CEP78: variants seen among roughly 807,000 people sequenced by gnomAD.
CEP78 encodes centrosomal protein 78, also known as centrosomal protein of 78 kDa.
In CEP78, 76 loss-of-function variants were observed where a neutral mutation model predicts 81.2. The ratio of observed to expected loss-of-function variants is 0.94; its 90% CI spans 0.78 to 1.13. CEP78 has a LOEUF of 1.13. Ranked by LOEUF, CEP78 falls within the 50% of genes most tolerant of loss-of-function variation. The probability of loss-of-function intolerance (pLI) is 0.00; values close to 1 mark genes in which losing one functional copy is unlikely to be tolerated. For missense variants in CEP78, 918 were observed against 846.8 expected (o/e 1.08, Z -1.04); for synonymous variants, 293 against 301.4 (o/e 0.97, Z 0.29).
At chr9:78,263,669 G>A (rs1402265021) in intron 12 of CEP78, among the ~76,000 whole-genome samples, 1 of 152,032 alleles carries the variant, frequency 6.6e-6, no homozygotes, top group Non-Finnish European at 1.5e-5. Flanking sequence ...AAATAGATTT[G>A]GTGTACAGGA....
At position 78,241,838 on chromosome 9, in the gene CEP78, T is replaced by C. The variant is rs780055186; in HGVS notation, c.603+39T>C. 4.6e-6 allele frequency: 5 copies of C among 1,087,346 alleles called. No individual in the cohort carries two copies. The Admixed American group carries it at 8.9e-5, about 19-fold the overall frequency. The allele number at this position is 1,087,346 out of a possible 1,614,324, so 67.4% of individuals were successfully genotyped here. A position where few individuals can be genotyped will look rare whatever the true frequency, so the allele number is the denominator to read the frequency against. On this transcript the variant is annotated intron_variant, in intron 4 of 16. Transcript: ENST00000643273. ...CCAACTTTCATGAAAATGTGTTATATGATTGCCACACGTTAATATTTTGAT... is the reference window on the plus strand; with the variant it reads ...CCAACTTTCATGAAAATGTGTTATACGATTGCCACACGTTAATATTTTGAT...
At chr9:78,262,643 A>G (rs1827326438) in intron 11 of CEP78, among the ~76,000 whole-genome samples, 1 of 152,140 alleles carries the variant, frequency 6.6e-6, no homozygotes, top group African/African-American at 2.4e-5. Context: ...GACTCAATAA[A>G]TATATGTGTA....
chr9:78,261,152 T>A (rs1827256496), intron 11 of CEP78, among the ~76,000 whole-genome samples: 1 of 152,066 alleles, frequency 6.6e-6, no homozygotes, highest in African/African-American at 2.4e-5. Flanking sequence ...GGTTTCACCA[T>A]GTTGGCCTCA....
intron 11 of CEP78, among the ~76,000 whole-genome samples, chr9:78,259,750 A>G (rs1310776963): frequency 3.9e-5 from 6 of 152,236 alleles, no homozygotes; most frequent in Non-Finnish European, 1.5e-5. Flanking sequence ...AACTTGCCCA[A>G]GGTTATACAG....
chr9:78,255,715 A>G (rs1408136284), intron 11 of CEP78, among the ~76,000 whole-genome samples: 1 of 152,254 alleles, frequency 6.6e-6, no homozygotes, highest in Admixed American at 6.5e-5. Context: ...ATAGAATATT[A>G]GAGGGAAAAA....
Position 78,236,302 on chromosome 9 carries a change from C to A in CEP78, c.-49C>A, listed in dbSNP as rs2118038739. 6.7e-7 allele frequency: 1 copy of A among 1,501,656 alleles called. No individual in the cohort carries two copies. The allele number at this position is 1,501,656 out of a possible 1,614,324, so 93.0% of individuals were successfully genotyped here. ...TTGCGACTCAGCGTTCTTGGGTGGGCGCGGGCGGCGTCTCCGCGGCGGGCA... is the reference window on the plus strand; with the variant it reads ...TTGCGACTCAGCGTTCTTGGGTGGGAGCGGGCGGCGTCTCCGCGGCGGGCA... On this transcript the variant is annotated 5_prime_UTR_variant, in exon 1 of 17. Coordinates refer to ENST00000643273, the MANE Select transcript of CEP78 (RefSeq NM_001330691.3).
At position 78,239,206 on chromosome 9, in the gene CEP78, A is replaced by G. The variant is rs896555217; in HGVS notation, c.254-817A>G. Among the ~76,000 whole-genome samples the G allele has an allele frequency of 3.3e-5, 5 of 152,188 alleles. No homozygotes were observed. The East Asian group carries it at 5.8e-4, about 18-fold the overall frequency. On this transcript the variant is annotated intron_variant, in intron 1 of 16. Coordinates refer to ENST00000643273, the MANE Select transcript of CEP78 (RefSeq NM_001330691.3). ...TAGGTTGTAGATTTTAACCTCCTAC[A>G]TATTGCTTGTCCATCCTTAATTACA...
intron 8 of CEP78, 135 bp downstream of exon 8, chr9:78,249,008 C>G: frequency 2.6e-6 from 1 of 388,482 alleles, no homozygotes; most frequent in Non-Finnish European, 4.7e-6. Context: ...TGTAATTGTT[C>G]TGATAAGATT....
chr9:78,267,163 C>T (rs1295092921), intron 16 of CEP78: 1 of 654,864 alleles, frequency 1.5e-6, no homozygotes. Flanking sequence ...GTCTGTTTTT[C>T]CCTTTGATAG....
chr9:78,274,413 GGTAAC>G lies in CEP78; in HGVS notation c.*3565_*3569del, dbSNP rs1273900107. The G allele has an allele frequency of 6.6e-6, 1 of 151,942 alleles. No individual in the cohort carries two copies. The highest frequency in any genetic ancestry group is 1.5e-5 in the Non-Finnish European group (1 of 68,008). 9.4% of individuals were successfully genotyped at this position (151,942 alleles called of 1,614,324 possible). On this transcript the variant is annotated 3_prime_UTR_variant, in exon 17 of 17. Coordinates refer to ENST00000643273, the MANE Select transcript of CEP78 (RefSeq NM_001330691.3). ...AGTTCTGTATCCTGATTGCGGTGGTGGTAACGTGAGTCTATACATATGTTAAAATT... is the reference window on the plus strand; with the variant it reads ...AGTTCTGTATCCTGATTGCGGTGGTGGTGAGTCTATACATATGTTAAAATT...
rs1827864064 is a variant in CEP78, at chr9:78,279,473, A to G, written c.*8622A>G. ...CAAATATTGCAAACCTACAAGGAGT[A>G]AAAGGTGTTATTATTTTAAAGAAGA... On this transcript the variant is annotated 3_prime_UTR_variant, in exon 17 of 17. Transcript: ENST00000643273. 1 of 152,200 alleles carries G rather than the reference A, an allele frequency of 6.6e-6. No individual in the cohort carries two copies. The highest frequency in any genetic ancestry group is 2.4e-5 in the African/African-American group (1 of 41,448). 9.4% of individuals were successfully genotyped at this position (152,200 alleles called of 1,614,324 possible).
chr9:78,240,225 A>T, intron 2 of CEP78, 30 bp downstream of exon 2: 1 of 1,613,062 alleles, frequency 6.2e-7, no homozygotes, highest in Non-Finnish European at 8.5e-7. Flanking sequence ...GCTTGTAGAC[A>T]TTTGATAGTT....
intron 8 of CEP78, among the ~76,000 whole-genome samples, chr9:78,251,293 T>C (rs781570485): frequency 6.6e-6 from 1 of 152,194 alleles, no homozygotes; most frequent in African/African-American, 2.4e-5. Flanking sequence ...GGCGGCAACA[T>C]TGGCTCACCT....
rs1065334 is a variant in CEP78, at chr9:78,266,855, C to T, written c.2107+152C>T. On this transcript the variant is annotated intron_variant, in intron 16 of 16. Transcript: ENST00000643273. ...TTAAAAGTAGGTCTTTGAAAAAATA[C>T]GTTTCTGTCAAGAAAGAAAATAGAA... The T allele has an allele frequency of 0.044, 63,826 of 1,442,674 alleles. 1,877 individuals carry two copies. Among genetic ancestry groups the T allele is most frequent in the Admixed American group, 0.16 (5,513 of 34,508 alleles). 89.4% of individuals were successfully genotyped at this position (1,442,674 alleles called of 1,614,324 possible).
rs919356215 is a variant in CEP78, at chr9:78,273,170, A to G, written c.*2319A>G. ...AGATCAAGTTTTTTACTCATAATAA[A>G]CATGAACAGGTTAAATTCTGGAATC... On this transcript the variant is annotated 3_prime_UTR_variant, in exon 17 of 17. Coordinates refer to ENST00000643273, the MANE Select transcript of CEP78 (RefSeq NM_001330691.3). The G allele has an allele frequency of 6.6e-6, 1 of 152,236 alleles. No homozygotes were observed. The highest frequency in any genetic ancestry group is 2.4e-5 in the African/African-American group (1 of 41,460). The allele number at this position is 152,236 out of a possible 1,614,324, so 9.4% of individuals were successfully genotyped here.
intron 4 of CEP78, among the ~76,000 whole-genome samples, 168 bp from the exon 5 acceptor site, chr9:78,243,294 A>G (rs111971446): frequency 2.0e-3 from 300 of 152,172 alleles, no homozygotes; most frequent in African/African-American, 6.5e-3. Context: ...GGGTCACTGG[A>G]CTCCTTACTC....
intron 10 of CEP78, among the ~76,000 whole-genome samples, chr9:78,254,131 C>T (rs188510501): frequency 3.7e-4 from 56 of 152,086 alleles, no homozygotes; most frequent in South Asian, 2.1e-3. Flanking sequence ...AGGAGAATTG[C>T]GTTGTTATTA....
chr9:78,263,627 T>TTAG, intron 12 of CEP78, among the ~76,000 whole-genome samples: 1 of 152,310 alleles, frequency 6.6e-6, no homozygotes, highest in Middle Eastern at 3.4e-3. Flanking sequence ...TTCTGAGAAA[T>TTAG]ACTAGAGTTA....
Position 78,236,191 on chromosome 9 carries a change from C to A in CEP78, c.-160C>A. 1.6e-6 allele frequency: 1 copy of A among 642,180 alleles called. No homozygotes were observed. Among genetic ancestry groups the A allele is most frequent in the Non-Finnish European group, 2.6e-6 (1 of 387,110 alleles). 39.8% of individuals were successfully genotyped at this position (642,180 alleles called of 1,614,324 possible). On this transcript the variant is annotated 5_prime_UTR_variant, in exon 1 of 17. Coordinates refer to ENST00000643273, the MANE Select transcript of CEP78 (RefSeq NM_001330691.3). ...GGGCCGGCCTAGCTTGGGGCTCTGG[C>A]CTTGCGTCTTCCGACCGAATCACCG...
Sources: allele counts gnomAD v4.1 joint callset (sites outside exome capture counted in the v4.1 genomes callset), GRCh38; gene constraint gnomAD v4.1.1; transcripts MANE v1.5; gene names NCBI Gene and HGNC (gene_info 2026-07-23, HGNC 2026-07-21).